The following ALG13 variants were observed in gnomAD, a reference collection of about 807,000 sequenced individuals.
ALG13 encodes the protein UDP-N-acetylglucosamine transferase subunit ALG13.
Under a neutral mutation model 87.8 loss-of-function variants are expected in ALG13, and 11 were observed. That is an observed-to-expected ratio of 0.13 (90% CI 0.08 to 0.21). The LOEUF (loss-of-function observed/expected upper bound fraction) is 0.21. ALG13 is among the 10% of genes least tolerant of loss of function. The pLI is 1.00. For synonymous variants in ALG13, 320 were observed against 306.3 expected (o/e 1.04, Z -0.47); for missense variants, 756 against 866.1 (o/e 0.87, Z 1.60).
intron 8 of ALG13, among the ~76,000 whole-genome samples, chrX:111,715,339 CT>C (rs1386732130): frequency 8.9e-6 from 1 of 111,907 alleles, no homozygotes; most frequent in East Asian, 2.8e-4. Flanking sequence ...AAGCCAGGTG[CT>C]TTTATTTTGT....
chrX:111,689,055 T>C (rs1411772444), intron 3 of ALG13: 1 of 696,440 alleles, frequency 1.4e-6, no homozygotes, highest in Non-Finnish European at 1.7e-6. Context: ...CATGTTTTTA[T>C]AGGTTTATTT....
intron 25 of ALG13, among the ~76,000 whole-genome samples, chrX:111,753,366 C>CA (rs766645862): frequency 4.9e-4 from 55 of 111,693 alleles, no homozygotes; most frequent in African/African-American, 1.8e-3. Flanking sequence ...CTAAAATCAA[C>CA]ACCCTAACAT....
At chrX:111,757,863 C>T in intron 26 of ALG13, 101 bp downstream of exon 26, 3 of 800,301 alleles carry the variant, frequency 3.7e-6, no homozygotes, top group Non-Finnish European at 5.3e-6. Context: ...ATGTACTACA[C>T]CAGTGATTCT....
rs754851786 is a variant in ALG13 at position 111,723,779 on chromosome X, A to AG, written c.1501-18dup. On this transcript the variant is annotated intron_variant, in intron 13 of 26. Transcript: ENST00000394780. ...TGTATCTGTCACTAGTCTTGAGACT[A>AG]GAAGTATTCTCTTTTCAGGTTTGCT... 55 of 1,050,097 alleles carry AG rather than the reference A, an allele frequency of 5.2e-5. No individual in the cohort carries two copies. Among genetic ancestry groups the AG allele is most frequent in the Non-Finnish European group, 7.1e-5 (54 of 765,220 alleles). 86.5% of individuals were successfully genotyped at this position (1,050,097 alleles called of 1,213,427 possible).
At chrX:111,735,588 C>G (rs1019913973) in intron 22 of ALG13, among the ~76,000 whole-genome samples, 3 of 110,963 alleles carry the variant, frequency 2.7e-5, no homozygotes, top group Non-Finnish European at 5.7e-5. Context: ...CAGAGAAGGA[C>G]CATCCAAGAG....
chrX:111,728,136 T>TC (rs1933331219), intron 18 of ALG13, 49 bp from the exon 19 acceptor site: 1 of 1,207,916 alleles, frequency 8.3e-7, no homozygotes, highest in African/African-American at 1.7e-5. Context: ...AGCTTTTTTT[T>TC]CTGACTATAT....
intron 3 of ALG13, among the ~76,000 whole-genome samples, chrX:111,693,278 G>T (rs193284773): frequency 1.0e-5 from 1 of 96,569 alleles, no homozygotes; most frequent in East Asian, 3.3e-4. Flanking sequence ...TTTTTTTAAC[G>T]GAGTCTCGCT....
intron 3 of ALG13, chrX:111,688,797 TA>T (rs1935601417): frequency 1.3e-6 from 1 of 740,843 alleles, no homozygotes; most frequent in Non-Finnish European, 1.6e-6. Context: ...TATAATGGCT[TA>T]AATATATGGT....
chrX:111,705,590 T>A (rs1938599571), intron 3 of ALG13, among the ~76,000 whole-genome samples: 1 of 112,104 alleles, frequency 8.9e-6, no homozygotes, highest in African/African-American at 3.2e-5. Flanking sequence ...TTTGAAGTTT[T>A]ATTTTACATT....
At chrX:111,716,657 G>C (rs183206621) in intron 8 of ALG13, among the ~76,000 whole-genome samples, 1 of 112,268 alleles carries the variant, frequency 8.9e-6, no homozygotes, top group East Asian at 2.8e-4. Context: ...CTTTGAAATG[G>C]ATTATTACTG....
chrX:111,705,429 G>A (rs535336280), intron 3 of ALG13, among the ~76,000 whole-genome samples: 16 of 111,353 alleles, frequency 1.4e-4, no homozygotes, highest in Middle Eastern at 9.3e-3. Context: ...TCTATGGCTT[G>A]TATTTTCATT....
intron 3 of ALG13, among the ~76,000 whole-genome samples, chrX:111,695,249 C>T (rs760902768): frequency 9.1e-4 from 101 of 111,410 alleles, no homozygotes; most frequent in Non-Finnish European, 1.7e-3. Flanking sequence ...TTCTGCTGGG[C>T]GCGGGGGCTC....
chrX:111,687,699 T>C (rs1935311388), intron 3 of ALG13, among the ~76,000 whole-genome samples: 2 of 112,312 alleles, frequency 1.8e-5, no homozygotes, highest in Admixed American at 1.9e-4. Flanking sequence ...TATTGACATT[T>C]TATAGTACTC....
At chrX:111,730,714 A>T (rs1242462758) in intron 21 of ALG13, 134 bp downstream of exon 21, 2 of 476,299 alleles carry the variant, frequency 4.2e-6, no homozygotes, top group African/African-American at 4.9e-5. Context: ...TGAAGATGAA[A>T]TTGAGACAGA....
intron 26 of ALG13, among the ~76,000 whole-genome samples, chrX:111,758,100 C>G (rs1945429483): frequency 8.9e-6 from 1 of 111,741 alleles, no homozygotes; most frequent in Admixed American, 9.5e-5. Flanking sequence ...CTGCCACACA[C>G]CCATGGTACA....
chrX:111,728,473 G>A (rs778079910), intron 19 of ALG13, among the ~76,000 whole-genome samples, 168 bp downstream of exon 19: 2 of 111,875 alleles, frequency 1.8e-5, no homozygotes, highest in South Asian at 3.7e-4. Context: ...ATATGTCCTG[G>A]TATTTCTCAG....
At chrX:111,688,381 A>G in intron 3 of ALG13, 3 of 721,954 alleles carry the variant, frequency 4.2e-6, no homozygotes, top group Non-Finnish European at 3.3e-6. Context: ...ATGTAAAAAA[A>G]TTTTACATAA....
intron 3 of ALG13, among the ~76,000 whole-genome samples, chrX:111,691,380 C>T (rs756191887): frequency 1.8e-5 from 2 of 111,641 alleles, no homozygotes; most frequent in South Asian, 3.7e-4. Context: ...GGATTACAGG[C>T]GTGAGCCACC....
At chrX:111,717,750 C>T (rs1940841006) in intron 8 of ALG13, 96 bp from the exon 9 acceptor site, 7 of 564,284 alleles carry the variant, frequency 1.2e-5, no homozygotes, top group Non-Finnish European at 1.6e-5. Flanking sequence ...TTATCAGTTA[C>T]TGACTACTGA....
Sources: allele counts gnomAD v4.1 joint callset (sites outside exome capture counted in the v4.1 genomes callset), GRCh38; gene constraint gnomAD v4.1.1; transcripts MANE v1.5; gene names NCBI Gene and HGNC (gene_info 2026-07-23, HGNC 2026-07-21).